The following ADAMTSL1 variants were observed in gnomAD, a reference collection of about 807,000 sequenced individuals.
ADAMTSL1 encodes ADAMTS like 1.
In ADAMTSL1, 126 loss-of-function variants were observed where a neutral mutation model predicts 201.8. The observed-to-expected ratio is 0.62, with a 90% confidence interval of 0.54 to 0.72. The LOEUF (loss-of-function observed/expected upper bound fraction) is 0.72, where lower values mean the gene tolerates loss of function less well. ADAMTSL1 is among the 30% of genes least tolerant of loss of function. The pLI, the probability that ADAMTSL1 is intolerant of heterozygous loss-of-function variation, is 0.00. For missense variants in ADAMTSL1, 2,679 were observed against 2,277.8 expected, an observed-to-expected ratio of 1.18 and a Z score of -3.59; for synonymous variants, 1,121 against 903.4, an observed-to-expected ratio of 1.24 and a Z score of -4.32.
At chr9:18,236,025 T>C (rs1408438737) in intron 2 of ADAMTSL1, among the ~76,000 whole-genome samples, 1 of 152,248 alleles carries the variant, frequency 6.6e-6, no homozygotes, top group African/African-American at 2.4e-5. Context: ...CTACTTGGAT[T>C]CTAATGAAGA....
chr9:17,977,991 G>C (rs1778189), intron 1 of ADAMTSL1, among the ~76,000 whole-genome samples: 42,944 of 151,804 alleles, frequency 0.28, 6,850 homozygotes, highest in East Asian at 0.49. Context: ...GGGTGCTTCA[G>C]TGTGTTGGAT....
chr9:18,617,984 A>G (rs2132647819), intron 4 of ADAMTSL1, among the ~76,000 whole-genome samples: 1 of 152,312 alleles, frequency 6.6e-6, no homozygotes, highest in African/African-American at 2.4e-5. Context: ...TGCCAAAGTT[A>G]TGAGTGGTCA....
At chr9:18,204,422 G>C (rs1805074579) in intron 2 of ADAMTSL1, among the ~76,000 whole-genome samples, 3 of 152,008 alleles carry the variant, frequency 2.0e-5, no homozygotes, top group Admixed American at 6.6e-5. Context: ...GTTTCTTGAG[G>C]CCTCTCCAGC....
At chr9:18,401,636 G>A (rs1019444496) in intron 2 of ADAMTSL1, among the ~76,000 whole-genome samples, 3 of 152,180 alleles carry the variant, frequency 2.0e-5, no homozygotes, top group African/African-American at 7.2e-5. Flanking sequence ...TAATGGTTGC[G>A]AGAACACATC....
intron 2 of ADAMTSL1, among the ~76,000 whole-genome samples, chr9:18,448,911 T>G (rs1820301177): frequency 1.3e-5 from 2 of 152,154 alleles, no homozygotes; most frequent in African/African-American, 4.8e-5. Flanking sequence ...TGATATATTA[T>G]TTCAAGTATT....
At chr9:18,256,565 A>G (rs1217314072) in intron 2 of ADAMTSL1, among the ~76,000 whole-genome samples, 2 of 152,344 alleles carry the variant, frequency 1.3e-5, no homozygotes, top group South Asian at 2.1e-4. Context: ...CATAGACATG[A>G]ATAGAATATG....
chr9:18,124,145 C>T (rs547960737), intron 1 of ADAMTSL1, among the ~76,000 whole-genome samples: 1 of 132,614 alleles, frequency 7.5e-6, no homozygotes, highest in South Asian at 2.6e-4. Context: ...TGCAGTGGCT[C>T]CGTCTCAGCT....
At chr9:18,830,097 A>G in intron 23 of ADAMTSL1, 120 bp downstream of exon 23, 2 of 1,315,336 alleles carry the variant, frequency 1.5e-6, no homozygotes, top group Non-Finnish European at 2.1e-6. Flanking sequence ...GGGAATCACT[A>G]AATTGCCTAC....
rs546193371 is a variant in ADAMTSL1 at position 18,909,040 on chromosome 9, A to C, written c.*492A>C. On this transcript the variant is annotated 3_prime_UTR_variant, in exon 29 of 29. Coordinates refer to ENST00000380548, the MANE Select transcript of ADAMTSL1 (RefSeq NM_001040272.6). ...TGTCCCTTTAGTCACAGTTAGGACA[A>C]ATGGGGAGGGGACACCATGCTGAGG... The C allele has an allele frequency of 1.8e-4, 28 of 157,324 alleles. No individual in the cohort carries two copies. The highest frequency in any genetic ancestry group is 3.5e-4 in the Non-Finnish European group (25 of 70,996). 9.7% of individuals were successfully genotyped at this position (157,324 alleles called of 1,614,324 possible).
At chr9:18,328,102 T>C (rs1201431704) in intron 2 of ADAMTSL1, among the ~76,000 whole-genome samples, 1 of 152,216 alleles carries the variant, frequency 6.6e-6, no homozygotes, top group Admixed American at 6.5e-5. Context: ...TCATCAGAGA[T>C]TATGCAGATT....
intron 2 of ADAMTSL1, among the ~76,000 whole-genome samples, chr9:18,165,433 C>T (rs1363883938): frequency 6.6e-6 from 1 of 151,804 alleles, no homozygotes; most frequent in Non-Finnish European, 1.5e-5. Context: ...ACTTGGTAAG[C>T]ATCAAAGGGT....
At chr9:18,461,801 C>T (rs942923283) in intron 2 of ADAMTSL1, among the ~76,000 whole-genome samples, 1 of 152,020 alleles carries the variant, frequency 6.6e-6, no homozygotes, top group African/African-American at 2.4e-5. Flanking sequence ...TTCATTGATC[C>T]GTTGACTAAC....
chr9:18,164,232 G>T (rs180689465), intron 2 of ADAMTSL1, among the ~76,000 whole-genome samples: 1 of 151,964 alleles, frequency 6.6e-6, no homozygotes, highest in African/African-American at 2.4e-5. Flanking sequence ...AGCATGTGGA[G>T]GATTCACATT....
At chr9:17,986,086 A>C (rs1470542051) in intron 1 of ADAMTSL1, among the ~76,000 whole-genome samples, 1 of 152,144 alleles carries the variant, frequency 6.6e-6, no homozygotes, top group Non-Finnish European at 1.5e-5. Context: ...TGGCCAACAA[A>C]TACCAATTCA....
intron 1 of ADAMTSL1, among the ~76,000 whole-genome samples, chr9:18,022,811 T>A (rs138576163): frequency 1.3e-5 from 2 of 152,294 alleles, no homozygotes; most frequent in East Asian, 3.9e-4. Flanking sequence ...CTATTTACTC[T>A]GAAAATATTT....
At chr9:18,023,158 A>G (rs117626073) in intron 1 of ADAMTSL1, among the ~76,000 whole-genome samples, 3,459 of 150,412 alleles carry the variant, frequency 0.023, 46 homozygotes, top group Middle Eastern at 0.041. Flanking sequence ...ATGTATATGT[A>G]TGTCTGCGAA....
chr9:18,361,293 C>T (rs1015694722), intron 2 of ADAMTSL1, among the ~76,000 whole-genome samples: 2 of 152,138 alleles, frequency 1.3e-5, no homozygotes, highest in Admixed American at 6.5e-5. Context: ...ACAGAGGAAT[C>T]ATCTATAATT....
chr9:18,551,152 A>T (rs758529478), intron 3 of ADAMTSL1, among the ~76,000 whole-genome samples: 7 of 151,882 alleles, frequency 4.6e-5, no homozygotes, highest in Non-Finnish European at 1.0e-4. Flanking sequence ...GGTGGTTTCA[A>T]TCCATATTCC....
Position 18,284,842 on chromosome 9 carries a change from T to A in ADAMTSL1, c.207+120861T>A, listed in dbSNP as rs193178271. ...CTGATTTTTCTCAGCTATCTGTTAT[T>A]AATATTTTATATGAATAAATAGAAA... On this transcript the variant is annotated intron_variant, in intron 2 of 29. Transcript: ENST00000680146. Among the ~76,000 whole-genome samples, 872 of 152,344 alleles carry A rather than the reference T, an allele frequency of 5.7e-3. 8 individuals are homozygous for A. The highest frequency in any genetic ancestry group is 0.02 in the African/African-American group (846 of 41,584).
Sources: gnomAD v4.1 joint callset for allele counts (sites outside exome capture counted in the v4.1 genomes callset) on GRCh38, gnomAD v4.1.1 for gene constraint, MANE v1.5 for transcripts, NCBI Gene and HGNC (gene_info 2026-07-23, HGNC 2026-07-21) for gene names.